Variants in ZBTB7C observed in about 807,000 individuals in gnomAD.
ZBTB7C encodes zinc finger and BTB domain containing 7C, also known as zinc finger and BTB domain-containing protein 7C.
In ZBTB7C, 8 loss-of-function variants were observed where a neutral mutation model predicts 25.7. The observed-to-expected ratio is 0.31, with a 90% CI of 0.18 to 0.56. ZBTB7C has a LOEUF of 0.56. Ranked by LOEUF, ZBTB7C falls within the 20% of genes least tolerant of loss-of-function variation. The pLI is 0.91. For synonymous variants in ZBTB7C, 394 were observed against 369.0 expected, an observed-to-expected ratio of 1.07 and a Z score of -0.78; for missense variants, 824 against 855.2, an observed-to-expected ratio of 0.96 and a Z score of 0.46.
chr18:48,367,175 T>TTTTATATATATATATATATA (rs1247008733), intron 1 of ZBTB7C, among the ~76,000 whole-genome samples: 2 of 62,250 alleles, frequency 3.2e-5, no homozygotes, highest in Admixed American at 1.6e-4. Context: ...TCCCCAAGTT[T>TTTTATATATATATATATATA]TATATATATA....
chr18:48,407,275 G>GA (rs1325641385), intron 1 of ZBTB7C, among the ~76,000 whole-genome samples: 9 of 152,152 alleles, frequency 5.9e-5, no homozygotes, highest in Admixed American at 5.9e-4. Context: ...GTGCTTCAGT[G>GA]AAAAAAAGCT....
intron 2 of ZBTB7C, among the ~76,000 whole-genome samples, chr18:48,321,931 A>G (rs1349112872): frequency 2.0e-5 from 3 of 152,238 alleles, no homozygotes; most frequent in Non-Finnish European, 4.4e-5. Flanking sequence ...GGCAAAGCCA[A>G]CACTCAGAGA....
chr18:48,087,061 T>C (rs1175638800), intron 3 of ZBTB7C, among the ~76,000 whole-genome samples: 1 of 152,146 alleles, frequency 6.6e-6, no homozygotes, highest in African/African-American at 2.4e-5. Context: ...AAGTCAGAAA[T>C]GTGAGGTGAT....
At chr18:48,347,399 T>C (rs2046765356) in intron 1 of ZBTB7C, among the ~76,000 whole-genome samples, 1 of 152,304 alleles carries the variant, frequency 6.6e-6, no homozygotes, top group South Asian at 2.1e-4. Context: ...GATACCATAA[T>C]TCCTCAGTTG....
intron 2 of ZBTB7C, among the ~76,000 whole-genome samples, chr18:48,216,776 C>A (rs2042834145): frequency 6.6e-6 from 1 of 152,122 alleles, no homozygotes; most frequent in Non-Finnish European, 1.5e-5. Context: ...TCCTATGGCC[C>A]CCACAGCCAC....
chr18:48,209,367 G>T (rs1303579772), intron 2 of ZBTB7C, among the ~76,000 whole-genome samples: 1 of 152,214 alleles, frequency 6.6e-6, no homozygotes, highest in Non-Finnish European at 1.5e-5. Context: ...ATACAACAAT[G>T]AATTTCACAT....
chr18:48,201,077 C>T (rs186562518), intron 2 of ZBTB7C, among the ~76,000 whole-genome samples: 70 of 152,260 alleles, frequency 4.6e-4, no homozygotes, highest in African/African-American at 1.7e-3. Context: ...ATCCCGACAC[C>T]CCAGATCTCA....
intron 2 of ZBTB7C, among the ~76,000 whole-genome samples, chr18:48,294,358 C>A (rs1454268691): frequency 1.3e-5 from 2 of 151,592 alleles, no homozygotes; most frequent in Non-Finnish European, 2.9e-5. Context: ...CCCCCACCCC[C>A]ACTCCCAGGC....
At chr18:48,161,371 G>A (rs2041020816) in intron 3 of ZBTB7C, among the ~76,000 whole-genome samples, 1 of 152,046 alleles carries the variant, frequency 6.6e-6, no homozygotes, top group Admixed American at 6.5e-5. Context: ...GGGGAGGAAG[G>A]GAGGGCGGGT....
At chr18:48,062,601 C>T (rs2037168252) in intron 3 of ZBTB7C, among the ~76,000 whole-genome samples, 1 of 152,206 alleles carries the variant, frequency 6.6e-6, no homozygotes, top group Non-Finnish European at 1.5e-5. Flanking sequence ...CCCTCATTTT[C>T]CTAGAAGGAG....
chr18:48,216,572 G>A (rs745432141), intron 2 of ZBTB7C, among the ~76,000 whole-genome samples: 2 of 152,238 alleles, frequency 1.3e-5, no homozygotes, highest in East Asian at 1.9e-4. Context: ...CTGGGTCTCC[G>A]GGCCAGACAC....
intron 2 of ZBTB7C, among the ~76,000 whole-genome samples, chr18:48,314,810 C>T (rs1021836404): frequency 6.6e-6 from 1 of 152,126 alleles, no homozygotes; most frequent in Non-Finnish European, 1.5e-5. Context: ...CTGCAGGCCA[C>T]CCGAGGTGCC....
intron 2 of ZBTB7C, among the ~76,000 whole-genome samples, chr18:48,288,029 A>G (rs878964141): frequency 6.6e-6 from 1 of 152,162 alleles, no homozygotes; most frequent in Non-Finnish European, 1.5e-5. Flanking sequence ...CTGCTACTCT[A>G]CTCTGTAATG....
At chr18:48,292,743 C>T (rs1320812088) in intron 2 of ZBTB7C, among the ~76,000 whole-genome samples, 1 of 152,142 alleles carries the variant, frequency 6.6e-6, no homozygotes, top group East Asian at 1.9e-4. Context: ...CTGGGTATGA[C>T]AAGAAAAGCT....
upstream of ZBTB7C, among the ~76,000 whole-genome samples, chr18:48,409,689 C>T (rs2048360695): frequency 6.6e-6 from 1 of 151,998 alleles, no homozygotes; most frequent in Admixed American, 6.6e-5. Flanking sequence ...CGGGGGGCGC[C>T]CGGGACTGGC....
chr18:48,316,914 C>A (rs2045961943), intron 2 of ZBTB7C, among the ~76,000 whole-genome samples: 1 of 152,220 alleles, frequency 6.6e-6, no homozygotes, highest in Admixed American at 6.5e-5. Context: ...ATATGTGTAT[C>A]CATCACACAT....
At chr18:48,300,539 T>A (rs2045517887) in intron 2 of ZBTB7C, among the ~76,000 whole-genome samples, 1 of 152,112 alleles carries the variant, frequency 6.6e-6, no homozygotes, top group Admixed American at 6.5e-5. Flanking sequence ...CCAGGTCGTT[T>A]TTTTACTCTT....
At chr18:48,261,576 G>C (rs2044172899) in intron 2 of ZBTB7C, among the ~76,000 whole-genome samples, 1 of 152,170 alleles carries the variant, frequency 6.6e-6, no homozygotes, top group Non-Finnish European at 1.5e-5. Context: ...TTCATCTGAA[G>C]GATACCCCTG....
At position 48,321,262 on chromosome 18, in the gene ZBTB7C, A is replaced by G. The variant is rs542547630; in HGVS notation, c.-79+16912T>C. Among the ~76,000 whole-genome samples, 10 of 152,264 alleles carry G rather than the reference A, an allele frequency of 6.6e-5. No individual in the cohort carries two copies. The East Asian group carries it at 1.7e-3, about 27-fold the overall frequency. ...TGTGTCATGCCACAAGCCTCCATTC[A>G]GCCACTTGCTCTCCCAGACAAAGCC... On this transcript the variant is annotated intron_variant, in intron 2 of 4. Coordinates refer to ENST00000590800, the MANE Select transcript of ZBTB7C (RefSeq NM_001318841.2).
Sources: allele counts gnomAD v4.1 joint callset (sites outside exome capture counted in the v4.1 genomes callset), GRCh38; gene constraint gnomAD v4.1.1; transcripts MANE v1.5; gene names NCBI Gene and HGNC (gene_info 2026-07-23, HGNC 2026-07-21).